Variants in ATXN7 observed in about 807,000 individuals in gnomAD.
ATXN7 encodes the protein ataxin-7.
In ATXN7, 12 loss-of-function variants were observed where a neutral mutation model predicts 70.5. That is an observed-to-expected ratio of 0.17 (90% CI 0.11 to 0.28). ATXN7 has a LOEUF of 0.28. Ranked by LOEUF, ATXN7 falls within the 10% of genes least tolerant of loss-of-function variation. ATXN7 has a pLI of 1.00. For synonymous variants in ATXN7, 498 were observed against 448.7 expected, an observed-to-expected ratio of 1.11 and a Z score of -1.39; for missense variants, 1,256 against 1,131.7, an observed-to-expected ratio of 1.11 and a Z score of -1.58.
At chr3:63,898,842 T>G (rs1703524188) in intron 2 of ATXN7, among the ~76,000 whole-genome samples, 3 of 152,186 alleles carry the variant, frequency 2.0e-5, no homozygotes, top group Admixed American at 2.0e-4. Flanking sequence ...CTTGTTTCTT[T>G]CCAGCACCAT....
intron 5 of ATXN7, among the ~76,000 whole-genome samples, chr3:63,958,382 A>G (rs991435764): frequency 6.6e-6 from 1 of 152,208 alleles, no homozygotes; most frequent in Non-Finnish European, 1.5e-5. Flanking sequence ...AAAGAATGTT[A>G]GTACTATAAG....
At chr3:63,923,506 C>CGAGAAAG (rs1397295939) in intron 4 of ATXN7, among the ~76,000 whole-genome samples, 1 of 152,044 alleles carries the variant, frequency 6.6e-6, no homozygotes, top group Non-Finnish European at 1.5e-5. Context: ...ACCAGAATGC[C>CGAGAAAG]GAGAAAGAAG....
At chr3:63,945,301 A>G (rs1442994517) in intron 4 of ATXN7, among the ~76,000 whole-genome samples, 2 of 152,236 alleles carry the variant, frequency 1.3e-5, no homozygotes, top group East Asian at 3.8e-4. Context: ...ACGTTTGAAT[A>G]CAAGTAGTCT....
intron 1 of ATXN7, among the ~76,000 whole-genome samples, chr3:63,893,184 A>T (rs142437741): frequency 6.6e-6 from 1 of 152,368 alleles, no homozygotes; most frequent in East Asian, 1.9e-4. Context: ...GTAAGTGTTC[A>T]GTAAATGTCA....
chr3:63,863,638 G>C, upstream of ATXN7: 1 of 1,209,172 alleles, frequency 8.3e-7, no homozygotes, highest in Non-Finnish European at 1.0e-6. Flanking sequence ...GGAGAGGTCG[G>C]GAAGGCCGAA....
intron 12 of ATXN7, chr3:63,997,585 C>A (rs1018046132): frequency 3.9e-6 from 6 of 1,529,842 alleles, no homozygotes; most frequent in African/African-American, 1.4e-5. Flanking sequence ...GCTCTAACTT[C>A]CAGCTCATCT....
chr3:63,941,986 C>A (rs1336729150), intron 4 of ATXN7, among the ~76,000 whole-genome samples: 1 of 152,126 alleles, frequency 6.6e-6, no homozygotes, highest in Non-Finnish European at 1.5e-5. Context: ...ACGTGGAGAC[C>A]AGCCTTCCTC....
At chr3:63,982,785 C>T in intron 7 of ATXN7, 154 bp from the exon 8 acceptor site, 3 of 643,270 alleles carry the variant, frequency 4.7e-6, no homozygotes. Context: ...TTTGTTGCAG[C>T]ACTCACACGT....
chr3:63,982,155 G>C, intron 6 of ATXN7, 31 bp from the exon 7 acceptor site: 2 of 1,613,424 alleles, frequency 1.2e-6, no homozygotes, highest in African/African-American at 2.7e-5. Context: ...AGGCACTCAG[G>C]CACTGGTTTT....
At chr3:63,883,997 G>T (rs1702996107) in intron 1 of ATXN7, among the ~76,000 whole-genome samples, 1 of 152,052 alleles carries the variant, frequency 6.6e-6, no homozygotes, top group Non-Finnish European at 1.5e-5. Flanking sequence ...GCCACAAAAG[G>T]AAGATACTTG....
chr3:63,886,881 A>G (rs937032376), intron 1 of ATXN7, among the ~76,000 whole-genome samples: 2 of 152,194 alleles, frequency 1.3e-5, no homozygotes, highest in Admixed American at 1.3e-4. Flanking sequence ...CAGAGAATGC[A>G]GTATTTCTAA....
chr3:63,905,235 G>A (rs1241157056), intron 2 of ATXN7: 1 of 151,206 alleles, frequency 6.6e-6, no homozygotes, highest in Non-Finnish European at 1.5e-5. Flanking sequence ...TTTTTGAGAC[G>A]GAGTCTTATT....
chr3:63,924,130 A>G (rs142828105), intron 4 of ATXN7, among the ~76,000 whole-genome samples: 45 of 152,296 alleles, frequency 3.0e-4, no homozygotes, highest in African/African-American at 1.1e-3. Flanking sequence ...TGGAGTTTAC[A>G]TGATTTGATG....
At chr3:63,943,360 G>A (rs1029040415) in intron 4 of ATXN7, among the ~76,000 whole-genome samples, 1 of 152,196 alleles carries the variant, frequency 6.6e-6, no homozygotes, top group African/African-American at 2.4e-5. Flanking sequence ...GAACCACTGA[G>A]GAGATTAATT....
chr3:63,892,106 CA>C (rs1283969495), intron 1 of ATXN7, among the ~76,000 whole-genome samples: 1 of 152,130 alleles, frequency 6.6e-6, no homozygotes, highest in Non-Finnish European at 1.5e-5. Context: ...GTTAAGCACT[CA>C]GCGAAAATTG....
intron 4 of ATXN7, among the ~76,000 whole-genome samples, chr3:63,914,517 G>A (rs1004810852): frequency 6.6e-6 from 1 of 152,210 alleles, no homozygotes; most frequent in African/African-American, 2.4e-5. Flanking sequence ...TCCGGTTTTA[G>A]TGCTGAATTG....
rs150716931 is a variant in ATXN7, at chr3:63,922,200, C to T, written c.394+8975C>T. Among the ~76,000 whole-genome samples the T allele has an allele frequency of 2.2e-3, 341 of 152,008 alleles. 2 individuals carry two copies. Among genetic ancestry groups the T allele is most frequent in the Admixed American group, 3.1e-3 (47 of 15,272 alleles). The stretch of plus-strand genomic sequence containing the variant: ...GGCCACAGGTGCACACTACCATGCC[C>T]GGCTAATTTTTGTATTTTGTTTGTA... On this transcript the variant is annotated intron_variant, in intron 4 of 12. Coordinates refer to ENST00000674280, the MANE Select transcript of ATXN7 (RefSeq NM_001377405.1).
At chr3:63,907,354 T>C (rs1421976799) in intron 2 of ATXN7, among the ~76,000 whole-genome samples, 1 of 152,142 alleles carries the variant, frequency 6.6e-6, no homozygotes, top group East Asian at 1.9e-4. Flanking sequence ...TTTAACAATG[T>C]GTTTAACCTG....
chr3:63,908,194 A>C (rs1022580202), intron 2 of ATXN7, among the ~76,000 whole-genome samples: 4 of 152,174 alleles, frequency 2.6e-5, no homozygotes, highest in African/African-American at 9.7e-5. Flanking sequence ...GATTGCTATG[A>C]ATTCCAGCCA....
Sources: gnomAD v4.1 joint callset for allele counts (sites outside exome capture counted in the v4.1 genomes callset) on GRCh38, gnomAD v4.1.1 for gene constraint, MANE v1.5 for transcripts, NCBI Gene and HGNC (gene_info 2026-07-23, HGNC 2026-07-21) for gene names.